The following TMEM232 variants were observed in gnomAD, a reference collection of about 807,000 sequenced individuals.
TMEM232 encodes the protein transmembrane protein 232.
In TMEM232, 80 loss-of-function variants were observed where a neutral mutation model predicts 78.8. The ratio of observed to expected loss-of-function variants is 1.01; its 90% CI spans 0.85 to 1.22. TMEM232 has a LOEUF of 1.22. TMEM232 is among the 50% of genes most tolerant of loss of function. The probability of loss-of-function intolerance (pLI) is 0.00; values close to 1 mark genes in which losing one functional copy is unlikely to be tolerated. For missense variants in TMEM232, 881 were observed against 742.2 expected (o/e 1.19, Z -2.17); for synonymous variants, 297 against 254.3 (o/e 1.17, Z -1.60).
At chr5:110,731,533 A>T (rs753773297), upstream of TMEM232, among the ~76,000 whole-genome samples, 1 of 152,218 alleles carries the variant, frequency 6.6e-6, no homozygotes, top group Non-Finnish European at 1.5e-5. Context: ...CCAAACCTCA[A>T]TTCTTGACTT....
At chr5:110,655,401 A>G (rs1402891663) in intron 2 of TMEM232, among the ~76,000 whole-genome samples, 2 of 148,876 alleles carry the variant, frequency 1.3e-5, no homozygotes, top group Non-Finnish European at 3.0e-5. Context: ...AAAAGTCAGG[A>G]AACAACAGGT....
At chr5:110,677,241 A>T (rs866157391) in intron 1 of TMEM232, among the ~76,000 whole-genome samples, 42 of 147,558 alleles carry the variant, frequency 2.8e-4, no homozygotes, top group African/African-American at 9.5e-4. Flanking sequence ...TAATTGTCTA[A>T]TTTTTTTTTT....
At chr5:110,662,899 G>A (rs1375188587) in intron 2 of TMEM232, among the ~76,000 whole-genome samples, 2 of 151,840 alleles carry the variant, frequency 1.3e-5, no homozygotes, top group Non-Finnish European at 1.5e-5. Flanking sequence ...CTATCTACAC[G>A]ATCTTGTGGT....
intron 1 of TMEM232, among the ~76,000 whole-genome samples, chr5:110,686,958 A>G (rs967577871): frequency 1.1e-4 from 16 of 152,090 alleles, no homozygotes; most frequent in African/African-American, 3.6e-4. Flanking sequence ...GGGAGCTACT[A>G]TTGGTCATTA....
chr5:110,612,472 C>T (rs546049857), intron 8 of TMEM232, among the ~76,000 whole-genome samples: 21 of 152,224 alleles, frequency 1.4e-4, no homozygotes, highest in African/African-American at 4.3e-4. Context: ...AGTACTGATG[C>T]AAACTTTTGT....
At chr5:110,581,637 C>T (rs1218883158) in intron 10 of TMEM232, among the ~76,000 whole-genome samples, 2 of 151,728 alleles carry the variant, frequency 1.3e-5, no homozygotes, top group Admixed American at 1.3e-4. Flanking sequence ...ACACCAATAG[C>T]AATTAAAACA....
chr5:110,593,386 A>G (rs537575191), intron 10 of TMEM232, among the ~76,000 whole-genome samples: 8 of 152,306 alleles, frequency 5.3e-5, no homozygotes, highest in Non-Finnish European at 8.8e-5. Flanking sequence ...GAAAACTTCA[A>G]AATAAAAGAT....
intron 1 of TMEM232, among the ~76,000 whole-genome samples, chr5:110,690,175 A>G (rs746581704): frequency 5.3e-5 from 8 of 152,248 alleles, no homozygotes; most frequent in Admixed American, 5.2e-4. Flanking sequence ...ACAGCGAAAG[A>G]AAGTATCATC....
chr5:110,687,247 A>C (rs1793529916), intron 1 of TMEM232, among the ~76,000 whole-genome samples: 1 of 152,094 alleles, frequency 6.6e-6, no homozygotes, highest in Admixed American at 6.6e-5. Context: ...TTTTAATGTA[A>C]GTGATTGGTA....
chr5:110,427,399 G>A (rs1757356179), intron 12 of TMEM232, among the ~76,000 whole-genome samples: 1 of 151,936 alleles, frequency 6.6e-6, no homozygotes, highest in Admixed American at 6.6e-5. Flanking sequence ...AAGCCATGGT[G>A]TTTAGCTGTA....
chr5:110,412,549 C>G (rs918103601), intron 2 of TMEM232, among the ~76,000 whole-genome samples: 1 of 145,614 alleles, frequency 6.9e-6, no homozygotes, highest in Non-Finnish European at 1.5e-5. Flanking sequence ...TCCATAGTTG[C>G]AAAGAAATAG....
At chr5:110,658,520 T>G (rs952895533) in intron 2 of TMEM232, among the ~76,000 whole-genome samples, 1 of 152,144 alleles carries the variant, frequency 6.6e-6, no homozygotes, top group African/African-American at 2.4e-5. Context: ...GAGAGCCATT[T>G]AGAAGAAAAT....
At position 110,540,729 on chromosome 5, in the gene TMEM232, C is replaced by T. The variant is rs1206786671; in HGVS notation, c.1456-11894G>A. On this transcript the variant is annotated intron_variant, in intron 11 of 13. Coordinates refer to ENST00000455884, the MANE Select transcript of TMEM232 (RefSeq NM_001039763.4). ...GCACATTAGCACAAAAGGCTGAATT[C>T]ATTACTCTTACCTGAGCATTAATGT... 3.3e-5 allele frequency among the ~76,000 whole-genome samples: 5 copies of T among 152,308 alleles called. No individual in the cohort carries two copies. In the East Asian group the frequency reaches 9.6e-4, roughly 29 times the overall value.
chr5:110,710,382 T>C (rs563676455), intron 1 of TMEM232, among the ~76,000 whole-genome samples: 57 of 152,158 alleles, frequency 3.7e-4, no homozygotes, highest in Admixed American at 1.1e-3. Context: ...GGAATATCTC[T>C]AAACTCATTC....
chr5:110,691,770 T>C (rs1266762643), intron 1 of TMEM232, among the ~76,000 whole-genome samples: 1 of 152,270 alleles, frequency 6.6e-6, no homozygotes, highest in African/African-American at 2.4e-5. Context: ...ATATTTGCTT[T>C]ATCTTACATG....
intron 11 of TMEM232, among the ~76,000 whole-genome samples, chr5:110,566,876 C>T (rs1581237397): frequency 6.6e-6 from 1 of 151,828 alleles, no homozygotes; most frequent in East Asian, 1.9e-4. Context: ...AAGAAATACC[C>T]AAGACTGGGT....
chr5:110,525,709 A>G (rs1377835208), intron 12 of TMEM232, among the ~76,000 whole-genome samples: 1 of 151,770 alleles, frequency 6.6e-6, no homozygotes, highest in African/African-American at 2.4e-5. Context: ...AAAAATGAAT[A>G]AACAAAATAG....
intron 11 of TMEM232, among the ~76,000 whole-genome samples, chr5:110,535,619 G>A (rs1019100962): frequency 2.0e-5 from 3 of 152,086 alleles, no homozygotes; most frequent in African/African-American, 7.2e-5. Flanking sequence ...CCAAAAAAGA[G>A]CTCCTCCTTT....
At chr5:110,612,342 A>G (rs1197017562) in intron 8 of TMEM232, among the ~76,000 whole-genome samples, 4 of 152,176 alleles carry the variant, frequency 2.6e-5, no homozygotes, top group Admixed American at 2.6e-4. Context: ...AGACTAAGTT[A>G]TAATTGGCTC....
Sources: allele counts gnomAD v4.1 joint callset (sites outside exome capture counted in the v4.1 genomes callset), GRCh38; gene constraint gnomAD v4.1.1; transcripts MANE v1.5; gene names NCBI Gene and HGNC (gene_info 2026-07-23, HGNC 2026-07-21).